Variants in ASIC2 observed in about 807,000 individuals in gnomAD.
ASIC2 encodes acid-sensing ion channel 2.
In ASIC2, 25 loss-of-function variants were observed where a neutral mutation model predicts 57.3. The observed-to-expected ratio is 0.44, with a 90% confidence interval of 0.32 to 0.61. ASIC2 has a LOEUF of 0.61. Among genes scored for constraint, ASIC2 ranks in the 20% least tolerant of loss-of-function variants. The pLI is 0.06. For synonymous variants in ASIC2, 319 were observed against 307.5 expected (o/e 1.04, Z -0.39); for missense variants, 641 against 738.1 (o/e 0.87, Z 1.52).
At chr17:33,991,073 G>A (rs1248568330) in intron 1 of ASIC2, among the ~76,000 whole-genome samples, 1 of 152,190 alleles carries the variant, frequency 6.6e-6, no homozygotes, top group Admixed American at 6.5e-5. Context: ...TGTAGATGAA[G>A]TAGTTAACTA....
chr17:34,119,652 C>A (rs1171715080), intron 1 of ASIC2, among the ~76,000 whole-genome samples: 2 of 151,588 alleles, frequency 1.3e-5, no homozygotes, highest in East Asian at 1.9e-4. Flanking sequence ...AACACACACA[C>A]AACCAGCCCT....
At chr17:33,924,223 T>A (rs1479941752) in intron 1 of ASIC2, among the ~76,000 whole-genome samples, 1 of 152,228 alleles carries the variant, frequency 6.6e-6, no homozygotes. Flanking sequence ...TCTCCTGCAC[T>A]GCGCTGTGAG....
intron 1 of ASIC2, among the ~76,000 whole-genome samples, chr17:33,811,422 T>C (rs1428551273): frequency 2.6e-5 from 4 of 152,254 alleles, no homozygotes; most frequent in Non-Finnish European, 5.9e-5. Context: ...CTCCATGTGC[T>C]GGACACCATG....
At chr17:33,363,351 GC>G (rs1908684358) in intron 1 of ASIC2, among the ~76,000 whole-genome samples, 1 of 152,192 alleles carries the variant, frequency 6.6e-6, no homozygotes, top group South Asian at 2.1e-4. Context: ...TAAGTGACCT[GC>G]AAAAGCAAGT....
At chr17:33,579,170 C>T (rs1916769986) in intron 1 of ASIC2, among the ~76,000 whole-genome samples, 1 of 151,506 alleles carries the variant, frequency 6.6e-6, no homozygotes, top group Non-Finnish European at 1.5e-5. Context: ...CCTGTAATCC[C>T]AGCTACTTGA....
At chr17:33,976,993 T>C (rs1423355979) in intron 1 of ASIC2, among the ~76,000 whole-genome samples, 1 of 152,084 alleles carries the variant, frequency 6.6e-6, no homozygotes, top group Non-Finnish European at 1.5e-5. Flanking sequence ...GCCTCTGGAA[T>C]GTCAACAAGG....
chr17:33,239,541 A>G (rs1163996991), intron 1 of ASIC2, among the ~76,000 whole-genome samples: 1 of 152,224 alleles, frequency 6.6e-6, no homozygotes, highest in Non-Finnish European at 1.5e-5. Context: ...ATACACTCTG[A>G]TGCCTAGAAT....
chr17:33,105,239 G>A (rs1279403630), intron 2 of ASIC2, among the ~76,000 whole-genome samples: 1 of 152,198 alleles, frequency 6.6e-6, no homozygotes, highest in Non-Finnish European at 1.5e-5. Flanking sequence ...GAGACCCAGT[G>A]GGAGGCAACT....
intron 1 of ASIC2, among the ~76,000 whole-genome samples, chr17:33,775,714 T>C (rs928473690): frequency 1.3e-5 from 2 of 152,174 alleles, no homozygotes; most frequent in African/African-American, 4.8e-5. Flanking sequence ...ACTGAGTCTG[T>C]ATGATGCTGC....
intron 1 of ASIC2, among the ~76,000 whole-genome samples, chr17:33,113,364 C>A (rs975753564): frequency 6.6e-6 from 1 of 152,218 alleles, no homozygotes; most frequent in African/African-American, 2.4e-5. Flanking sequence ...TCTACAAATG[C>A]TACGGGTTAT....
At chr17:33,551,914 G>A (rs1460330391) in intron 1 of ASIC2, among the ~76,000 whole-genome samples, 1 of 152,126 alleles carries the variant, frequency 6.6e-6, no homozygotes, top group African/African-American at 2.4e-5. Flanking sequence ...AGAAAATGAA[G>A]GTTGTCACAA....
At chr17:34,102,759 T>C (rs1567823048) in intron 1 of ASIC2, among the ~76,000 whole-genome samples, 1 of 152,256 alleles carries the variant, frequency 6.6e-6, no homozygotes, top group African/African-American at 2.4e-5. Flanking sequence ...TTCTTGGTAA[T>C]TGTGAATAAA....
intron 1 of ASIC2, among the ~76,000 whole-genome samples, chr17:33,223,138 C>T (rs1907745577): frequency 6.6e-6 from 1 of 152,154 alleles, no homozygotes; most frequent in South Asian, 2.1e-4. Flanking sequence ...AAAACACAGA[C>T]AACCATCTCC....
Position 33,593,464 on chromosome 17 carries a change from T to C in ASIC2, c.556-481397A>G, listed in dbSNP as rs534263259. ...GCCTCAGAAATCATCTCTTTCAGGA[T>C]CTATTTAAAAGGTTGCAGCATGCAG... On this transcript the variant is annotated intron_variant, in intron 1 of 9. Transcript: ENST00000359872. Among the ~76,000 whole-genome samples, 4 of 152,318 alleles carry C rather than the reference T, an allele frequency of 2.6e-5. No individual in the cohort carries two copies. In the East Asian group the frequency reaches 7.7e-4, roughly 29 times the overall value.
chr17:33,781,502 C>T (rs1249018678), intron 1 of ASIC2, among the ~76,000 whole-genome samples: 4 of 152,128 alleles, frequency 2.6e-5, no homozygotes, highest in African/African-American at 7.2e-5. Context: ...TCACTTCCAT[C>T]GAGCCCATTC....
intron 1 of ASIC2, among the ~76,000 whole-genome samples, chr17:34,100,528 T>C (rs1356247228): frequency 6.6e-6 from 1 of 152,168 alleles, no homozygotes; most frequent in African/African-American, 2.4e-5. Flanking sequence ...CTTCAGACTT[T>C]GTCAACCTCA....
intron 1 of ASIC2, among the ~76,000 whole-genome samples, chr17:33,514,011 C>T (rs1488672693): frequency 2.0e-5 from 3 of 152,222 alleles, no homozygotes; most frequent in African/African-American, 7.2e-5. Context: ...GCCAGACACA[C>T]TGCTGGGGGC....
intron 1 of ASIC2, among the ~76,000 whole-genome samples, chr17:33,143,810 A>G (rs938373758): frequency 2.6e-5 from 4 of 152,270 alleles, no homozygotes; most frequent in Admixed American, 1.3e-4. Flanking sequence ...TAATTGAAGA[A>G]AACAATCTTA....
At chr17:33,066,101 T>C (rs955400113) in intron 3 of ASIC2, among the ~76,000 whole-genome samples, 1 of 151,786 alleles carries the variant, frequency 6.6e-6, no homozygotes, top group East Asian at 1.9e-4. Flanking sequence ...TCTCGGGGAG[T>C]ATGAACCCAT....
Sources: allele counts gnomAD v4.1 joint callset (sites outside exome capture counted in the v4.1 genomes callset), GRCh38; gene constraint gnomAD v4.1.1; transcripts MANE v1.5; gene names NCBI Gene and HGNC (gene_info 2026-07-23, HGNC 2026-07-21).